Variants in RYR2 observed in about 807,000 individuals in gnomAD.
The protein encoded by RYR2 is cardiac muscle ryanodine receptor-calcium release channel.
Under a neutral mutation model 601.1 loss-of-function variants are expected in RYR2, and 227 were observed. The observed-to-expected ratio is 0.38, with a 90% CI of 0.34 to 0.42. The LOEUF is 0.42. Among genes scored for constraint, RYR2 ranks in the 10% least tolerant of loss-of-function variants. RYR2 has a pLI of 1.00. For missense variants in RYR2, 4,646 were observed against 6,156.5 expected (o/e 0.75, Z 8.21); for synonymous variants, 2,223 against 2,175.1 (o/e 1.02, Z -0.61).
At chr1:237,143,663 C>T (rs959066251) in intron 1 of RYR2, among the ~76,000 whole-genome samples, 2 of 152,100 alleles carry the variant, frequency 1.3e-5, no homozygotes, top group African/African-American at 4.8e-5. Flanking sequence ...CCTCACTAGC[C>T]TCCTAGGAGC....
chr1:237,163,376 C>T (rs1197797625), intron 1 of RYR2, among the ~76,000 whole-genome samples: 2 of 149,294 alleles, frequency 1.3e-5, no homozygotes, highest in Non-Finnish European at 3.0e-5. Context: ...CCCCACCCCT[C>T]CACAACTGCT....
intron 87 of RYR2, among the ~76,000 whole-genome samples, chr1:237,777,092 A>G (rs188980748): frequency 1.3e-5 from 2 of 152,180 alleles, no homozygotes; most frequent in Non-Finnish European, 2.9e-5. Context: ...CTGAGCTCAC[A>G]TGATGGTTCT....
chr1:237,177,311 G>A (rs1678165991), intron 1 of RYR2, among the ~76,000 whole-genome samples: 1 of 152,138 alleles, frequency 6.6e-6, no homozygotes. Flanking sequence ...TTACAGATAT[G>A]TAAATTATGA....
At chr1:237,392,117 C>T (rs3922620) in intron 10 of RYR2, among the ~76,000 whole-genome samples, 20,255 of 151,920 alleles carry the variant, frequency 0.13, 1,587 homozygotes, top group East Asian at 0.35. Flanking sequence ...ACTATAGTGT[C>T]GTAACTTTTT....
In RYR2 at chr1:237,441,493, T is replaced by C. The variant is rs760377600; in HGVS notation, c.1170+10T>C. 17 of 1,451,896 alleles carry C rather than the reference T, an allele frequency of 1.2e-5. No individual in the cohort carries two copies. The highest frequency in any genetic ancestry group is 1.6e-5 in the Non-Finnish European group (17 of 1,095,110). 89.9% of individuals were successfully genotyped at this position (1,451,896 alleles called of 1,614,324 possible). A position where few individuals can be genotyped will look rare whatever the true frequency, so the allele number is the denominator to read the frequency against. On this transcript the variant is annotated intron_variant, in intron 13 of 104. Transcript: ENST00000366574. ...ATCTATACAACGTAAGGTAAGGTGATAGAAAAAAACATAATTTATAGAAGT... is the reference window on the plus strand; with the variant it reads ...ATCTATACAACGTAAGGTAAGGTGACAGAAAAAAACATAATTTATAGAAGT...
At chr1:237,100,113 T>C (rs188300681) in intron 1 of RYR2, among the ~76,000 whole-genome samples, 25 of 152,250 alleles carry the variant, frequency 1.6e-4, no homozygotes, top group South Asian at 6.2e-4. Context: ...TAGGTCTCTA[T>C]TGGGACAAGC....
intron 27 of RYR2, among the ~76,000 whole-genome samples, chr1:237,565,563 A>G (rs1671978658): frequency 6.6e-6 from 1 of 152,144 alleles, no homozygotes; most frequent in African/African-American, 2.4e-5. Flanking sequence ...GCATTTAACC[A>G]GTAACTAGTA....
At chr1:237,647,745 A>G (rs1682322522) in intron 48 of RYR2, among the ~76,000 whole-genome samples, 1 of 152,206 alleles carries the variant, frequency 6.6e-6, no homozygotes, top group South Asian at 2.1e-4. Flanking sequence ...TCATGTGGTC[A>G]AACAGGAAGT....
intron 80 of RYR2, among the ~76,000 whole-genome samples, chr1:237,745,085 G>A (rs969661241): frequency 4.6e-5 from 7 of 152,034 alleles, no homozygotes; most frequent in Non-Finnish European, 7.4e-5. Flanking sequence ...ACAGTCCTGA[G>A]CCACCACGCC....
chr1:237,058,100 G>A (rs974984176), intron 1 of RYR2, among the ~76,000 whole-genome samples: 5 of 152,168 alleles, frequency 3.3e-5, no homozygotes, highest in African/African-American at 1.2e-4. Flanking sequence ...AGCTGATATT[G>A]CTGGCGGGTT....
chr1:237,496,780 T>A, intron 20 of RYR2, 28 bp downstream of exon 20: 1 of 1,588,040 alleles, frequency 6.3e-7, no homozygotes, highest in South Asian at 1.1e-5. Flanking sequence ...TCTTTCACCG[T>A]GTTCCAGAAG....
At chr1:237,373,051 CAA>C (rs1700763119) in intron 6 of RYR2, among the ~76,000 whole-genome samples, 1 of 152,106 alleles carries the variant, frequency 6.6e-6, no homozygotes, top group African/African-American at 2.4e-5. Flanking sequence ...GAAAAAATTA[CAA>C]AAGACTTTAA....
chr1:237,474,196 T>TAC, intron 17 of RYR2, among the ~76,000 whole-genome samples: 1 of 114,664 alleles, frequency 8.7e-6, no homozygotes, highest in East Asian at 4.0e-4. Context: ...TGTACGTGTG[T>TAC]ATATATGTGT....
intron 25 of RYR2, among the ~76,000 whole-genome samples, chr1:237,539,058 C>G (rs1027789133): frequency 1.3e-5 from 2 of 152,170 alleles, no homozygotes; most frequent in African/African-American, 4.8e-5. Flanking sequence ...GCCATATAAC[C>G]TAGATACAAC....
intron 17 of RYR2, among the ~76,000 whole-genome samples, chr1:237,481,120 A>ATATGTATATATATATATATG (rs1255193855): frequency 6.8e-6 from 1 of 147,860 alleles, no homozygotes; most frequent in Non-Finnish European, 1.5e-5. Flanking sequence ...ATATATATAT[A>ATATGTATATATATATATATG]TATATACACA....
chr1:237,275,862 A>T (rs553678820), intron 2 of RYR2, among the ~76,000 whole-genome samples: 8 of 152,304 alleles, frequency 5.3e-5, no homozygotes, highest in African/African-American at 1.9e-4. Context: ...ACTAGAAGTT[A>T]ATTTTTTAAA....
At chr1:237,456,418 A>G (rs567043840) in intron 15 of RYR2, among the ~76,000 whole-genome samples, 182 bp from the exon 16 acceptor site, 6 of 152,308 alleles carry the variant, frequency 3.9e-5, no homozygotes, top group Non-Finnish European at 8.8e-5. Flanking sequence ...TCTGAAGAAC[A>G]TTTCATTTCA....
intron 31 of RYR2, among the ~76,000 whole-genome samples, chr1:237,591,407 C>T (rs543771641): frequency 4.4e-4 from 67 of 152,086 alleles, no homozygotes; most frequent in South Asian, 4.4e-3. Context: ...ATGATAAAGG[C>T]GGCAAGTTAT....
chr1:237,314,063 CTT>C (rs397983391), intron 2 of RYR2, among the ~76,000 whole-genome samples: 79 of 82,344 alleles, frequency 9.6e-4, no homozygotes, highest in South Asian at 2.5e-3. Flanking sequence ...ACATGAATTT[CTT>C]TTTTTTTTTT....
Sources: allele counts gnomAD v4.1 joint callset (sites outside exome capture counted in the v4.1 genomes callset), GRCh38; gene constraint gnomAD v4.1.1; transcripts MANE v1.5; gene names NCBI Gene and HGNC (gene_info 2026-07-23, HGNC 2026-07-21).